CACNA2D4: variants seen among roughly 807,000 people sequenced by gnomAD.
CACNA2D4 encodes the protein calcium voltage-gated channel auxiliary subunit alpha2delta 4, also known as voltage-dependent calcium channel subunit alpha-2/delta-4.
CACNA2D4 carries 157 observed loss-of-function variants against 163.8 expected under a neutral mutation model. The ratio of observed to expected loss-of-function variants is 0.96; its 90% CI spans 0.84 to 1.09. The LOEUF is 1.09. Ranked by LOEUF, CACNA2D4 falls within the 50% of genes least tolerant of loss-of-function variation. The pLI is 0.00. For synonymous variants in CACNA2D4, 598 were observed against 586.9 expected (o/e 1.02, Z -0.27); for missense variants, 1,410 against 1,479.9 (o/e 0.95, Z 0.78).
intron 29 of CACNA2D4, among the ~76,000 whole-genome samples, chr12:1,807,254 A>G (rs1340899113): frequency 6.6e-6 from 1 of 151,724 alleles, no homozygotes. Flanking sequence ...TCCGCCTCAC[A>G]GCCCTGGAGG....
chr12:1,847,738 T>C (rs961106521), intron 23 of CACNA2D4, among the ~76,000 whole-genome samples: 2 of 152,152 alleles, frequency 1.3e-5, no homozygotes, highest in Non-Finnish European at 2.9e-5. Context: ...GCTTCAACAA[T>C]CACCAACCCG....
Position 1,815,691 on chromosome 12 carries a change from T to G in CACNA2D4, c.2552-3968A>C, listed in dbSNP as rs143729107. The stretch of plus-strand genomic sequence containing the variant: ...CCAGCCACTTGACGGGGAAGCCGAA[T>G]TCTACCAGGTCTCACTGTCCCTTCC... On this transcript the variant is annotated intron_variant, in intron 26 of 37. Transcript: ENST00000382722. Among the ~76,000 whole-genome samples the G allele has an allele frequency of 9.6e-4, 139 of 144,290 alleles. 6 individuals carry two copies. Among genetic ancestry groups the G allele is most frequent in the African/African-American group, 3.9e-3 (133 of 34,068 alleles). The allele number at this position is 144,290 out of a possible 152,430, so 94.7% of individuals were successfully genotyped here. A position where few individuals can be genotyped will look rare whatever the true frequency, so the allele number is the denominator to read the frequency against.
At chr12:1,794,665 G>GCTGAGTGGAAGAGACA in intron 37 of CACNA2D4, among the ~76,000 whole-genome samples, 1 of 152,356 alleles carries the variant, frequency 6.6e-6, no homozygotes, top group South Asian at 2.1e-4. Context: ...AGGTCAGGCG[G>GCTGAGTGGAAGAGACA]CTGAGTGGAA....
At position 1,801,638 on chromosome 12, in the gene CACNA2D4, T is replaced by C; in HGVS notation, c.2728A>G (p.Arg910Gly). 1 of 1,583,888 alleles carries C rather than the reference T, an allele frequency of 6.3e-7. No homozygotes were observed. Among genetic ancestry groups the C allele is most frequent in the Non-Finnish European group, 8.6e-7 (1 of 1,163,876 alleles). ...LISKRSRETG[R>G]FLGEVDGAVL... ...GCACCATCCACCTCCCCCAGAAATC[T>C]TCCCGTCTGTGAGAGAGGGACAGCA... The change falls in exon 30 of 38, where the codon AGA (arginine) becomes GGA (glycine). Residue 910 changes from arginine to glycine, a missense_variant. By Grantham distance (125) the Arg-to-Gly change is moderately radical. Transcript: ENST00000382722.
intron 7 of CACNA2D4, among the ~76,000 whole-genome samples, chr12:1,886,643 G>T (rs936948323): frequency 6.6e-6 from 1 of 152,140 alleles, no homozygotes; most frequent in Non-Finnish European, 1.5e-5. Flanking sequence ...GACCAACCGG[G>T]GTCCCTGAGG....
chr12:1,895,080 C>T (rs1278836376), intron 6 of CACNA2D4, among the ~76,000 whole-genome samples: 1 of 152,032 alleles, frequency 6.6e-6, no homozygotes, highest in Non-Finnish European at 1.5e-5. Flanking sequence ...AGTAGTGTTT[C>T]TATATACCAA....
intron 26 of CACNA2D4, among the ~76,000 whole-genome samples, chr12:1,838,819 G>C (rs1864948862): frequency 6.6e-6 from 1 of 152,202 alleles, no homozygotes; most frequent in Non-Finnish European, 1.5e-5. Flanking sequence ...ACAGGCGCAG[G>C]CTTGGCTGGG....
At chr12:1,880,873 C>T (rs768250075) in intron 13 of CACNA2D4, among the ~76,000 whole-genome samples, 1 of 152,208 alleles carries the variant, frequency 6.6e-6, no homozygotes, top group African/African-American at 2.4e-5. Flanking sequence ...TGCATGAAGC[C>T]AGCTTGTCCC....
chr12:1,861,018 C>T (rs985877546), intron 18 of CACNA2D4, among the ~76,000 whole-genome samples: 1 of 152,158 alleles, frequency 6.6e-6, no homozygotes, highest in Non-Finnish European at 1.5e-5. Context: ...AGGGTGCATT[C>T]GGGGTGCTGA....
In CACNA2D4 at chr12:1,818,471, T is replaced by C. The variant is rs527891951; in HGVS notation, c.2552-6748A>G. Reference sequence around the variant, plus strand: ...GGATCCTGTTGATCTGTGACCTTACTCCCAACCCTGTGCTCACTGAAACAT... The same window carrying C: ...GGATCCTGTTGATCTGTGACCTTACCCCCAACCCTGTGCTCACTGAAACAT... On this transcript the variant is annotated intron_variant, in intron 26 of 37. Coordinates refer to ENST00000382722, the MANE Select transcript of CACNA2D4 (RefSeq NM_172364.5). Among the ~76,000 whole-genome samples, 163 of 146,072 alleles carry C rather than the reference T, an allele frequency of 1.1e-3. 2 individuals carry two copies. The highest frequency in any genetic ancestry group is 1.6e-3 in the Non-Finnish European group (109 of 67,994).
In CACNA2D4 at chr12:1,834,061, G is replaced by T. The variant is rs144921500; in HGVS notation, c.2551+6678C>A. Among the ~76,000 whole-genome samples, 4 of 152,316 alleles carry T rather than the reference G, an allele frequency of 2.6e-5. No homozygotes were observed. The East Asian group carries it at 7.7e-4, about 29-fold the overall frequency. On this transcript the variant is annotated intron_variant, in intron 26 of 37. Transcript: ENST00000382722. This position sits in a 1 kb window ranked among gnomAD's most constrained non-coding sequence, Gnocchi z 7.6. Reference sequence around the variant, plus strand: ...GGCTTCTGCGAGGATGAAATGGCACGATATACGTAACTCACTGTGGACTTG... The same window carrying T: ...GGCTTCTGCGAGGATGAAATGGCACTATATACGTAACTCACTGTGGACTTG...
intron 26 of CACNA2D4, among the ~76,000 whole-genome samples, chr12:1,815,912 GAAGAC>G (rs1213162648): frequency 6.6e-6 from 1 of 152,218 alleles, no homozygotes; most frequent in East Asian, 1.9e-4. Flanking sequence ...ATAAGATGTT[GAAGAC>G]AAGACACAGT....
chr12:1,884,316 T>C lies in CACNA2D4; in HGVS notation c.1278A>G (p.Arg426=), dbSNP rs1866081403. 6.2e-7 allele frequency: 1 copy of C among 1,612,036 alleles called. No homozygotes were observed. The highest frequency in any genetic ancestry group is 8.5e-7 in the Non-Finnish European group (1 of 1,179,328). ...CTCTCCCAATGAGGTAAGTGAAAACTCGGACCTAACCCACAAGACACAGAG... is the reference window on the plus strand; with the variant it reads ...CTCTCCCAATGAGGTAAGTGAAAACCCGGACCTAACCCACAAGACACAGAG... ...EKYNWPDCKV[R]VFTYLIGREV... Residue 426 remains arginine (R), a synonymous_variant, in exon 12 of 38, where the codon CGA becomes CGG. Transcript: ENST00000382722.
chr12:1,867,390 T>A (rs138175016), intron 18 of CACNA2D4, among the ~76,000 whole-genome samples: 2 of 152,306 alleles, frequency 1.3e-5, no homozygotes, highest in African/African-American at 4.8e-5. Context: ...TCTTTCTCTG[T>A]CTTTTTCCCC....
Position 1,834,490 on chromosome 12 carries a change from A to G in CACNA2D4, c.2551+6249T>C, listed in dbSNP as rs1237931529. 1.2e-6 allele frequency: 2 copies of G among 1,609,522 alleles called. No individual in the cohort carries two copies. The highest frequency in any genetic ancestry group is 8.5e-7 in the Non-Finnish European group (1 of 1,179,878). On this transcript the variant is annotated intron_variant, in intron 26 of 37. Coordinates refer to ENST00000382722, the MANE Select transcript of CACNA2D4 (RefSeq NM_172364.5). This position sits in a 1 kb window ranked among gnomAD's most constrained non-coding sequence, Gnocchi z 7.6. ...AGCCGGAGCCCAGCACAGCCTGCCC[A>G]CAGAAGCAGAGGCACCGGCCGGCGA...
In CACNA2D4 at chr12:1,854,807, A is replaced by T. The variant is rs1565712314; in HGVS notation, c.2153-763T>A. 2.0e-5 allele frequency among the ~76,000 whole-genome samples: 3 copies of T among 152,268 alleles called. 1 individual carries two copies. In the East Asian group the frequency reaches 5.8e-4, roughly 29 times the overall value. Reference sequence around the variant, plus strand: ...ATTCTTTTTCCCAGTCTTTGCATGGAGGCTCTTTCTTTTTCTTCTCTCATT... The same window carrying T: ...ATTCTTTTTCCCAGTCTTTGCATGGTGGCTCTTTCTTTTTCTTCTCTCATT... On this transcript the variant is annotated intron_variant, in intron 22 of 37. Coordinates refer to ENST00000382722, the MANE Select transcript of CACNA2D4 (RefSeq NM_172364.5).
chr12:1,908,073 G>C, intron 4 of CACNA2D4, 36 bp from the exon 5 acceptor site: 2 of 1,584,278 alleles, frequency 1.3e-6, no homozygotes, highest in East Asian at 4.5e-5. Flanking sequence ...GAGGCGGCCC[G>C]AGCACCGGGA....
intron 16 of CACNA2D4, among the ~76,000 whole-genome samples, chr12:1,876,629 G>A (rs1367906423): frequency 2.0e-5 from 3 of 151,884 alleles, no homozygotes; most frequent in South Asian, 2.1e-4. Flanking sequence ...CACTTTTTTC[G>A]GGGAAGTGTC....
rs2154451297 is a variant in CACNA2D4, at chr12:1,902,217, A to G, written c.781+5223T>C. 2.0e-5 allele frequency among the ~76,000 whole-genome samples: 3 copies of G among 152,192 alleles called. 1 individual carries two copies. In the East Asian group the frequency reaches 5.8e-4, roughly 29 times the overall value. ...GGGTATACAAGGAACATACCTCAAC[A>G]TAATAAAAACCATATACAACAGACC... On this transcript the variant is annotated intron_variant, in intron 6 of 37. Coordinates refer to ENST00000382722, the MANE Select transcript of CACNA2D4 (RefSeq NM_172364.5).
Sources: gnomAD v4.1 joint callset for allele counts (sites outside exome capture counted in the v4.1 genomes callset) on GRCh38, gnomAD v4.1.1 for gene constraint, Gnocchi (gnomAD v3.1) non-coding constraint, MANE v1.5 for transcripts, NCBI Gene and HGNC (gene_info 2026-07-23, HGNC 2026-07-21) for gene names.